RIT2: variants seen among roughly 807,000 people sequenced by gnomAD.
RIT2 encodes Ras like without CAAX 2, also known as GTP-binding protein Rit2.
In RIT2, 24 loss-of-function variants were observed where a neutral mutation model predicts 23.7. That is an observed-to-expected ratio of 1.01 (90% CI 0.73 to 1.43). The LOEUF is 1.43. Ranked by LOEUF, RIT2 falls within the 40% of genes most tolerant of loss-of-function variation. The pLI is 0.00. For synonymous variants in RIT2, 107 were observed against 91.1 expected, an observed-to-expected ratio of 1.17 and a Z score of -0.99; for missense variants, 236 against 266.9, an observed-to-expected ratio of 0.88 and a Z score of 0.81.
Position 43,093,349 on chromosome 18 carries a change from T to C in RIT2, c.103+22068A>G, listed in dbSNP as rs535101005. Among the ~76,000 whole-genome samples the C allele has an allele frequency of 2.0e-5, 3 of 152,194 alleles. No individual in the cohort carries two copies. In the South Asian group the frequency reaches 6.2e-4, roughly 32 times the overall value. On this transcript the variant is annotated intron_variant, in intron 1 of 4. Coordinates refer to ENST00000326695, the MANE Select transcript of RIT2 (RefSeq NM_002930.4). ...ACTATCAATGGCAAAGCCTAACAGC[T>C]AGTTTTCATTGAGGAGATGGAAATG...
At chr18:42,985,545 G>A (rs1359313421) in intron 2 of RIT2, among the ~76,000 whole-genome samples, 1 of 152,038 alleles carries the variant, frequency 6.6e-6, no homozygotes, top group African/African-American at 2.4e-5. Flanking sequence ...ACTGGCACAT[G>A]GGTAGAAAAA....
chr18:43,026,636 G>GAA (rs1213553404), intron 2 of RIT2, among the ~76,000 whole-genome samples: 3 of 143,662 alleles, frequency 2.1e-5, no homozygotes, highest in African/African-American at 7.8e-5. Flanking sequence ...AAGAAAGAAA[G>GAA]AGAGAAAGAA....
At chr18:43,115,306 T>A (rs1220859686) in intron 1 of RIT2, 111 bp downstream of exon 1, 1 of 1,381,700 alleles carries the variant, frequency 7.2e-7, no homozygotes, top group Non-Finnish European at 1.0e-6. Context: ...ACTCTGTGTT[T>A]AACTGCCACA....
chr18:43,099,141 A>C (rs1156265500), intron 1 of RIT2, among the ~76,000 whole-genome samples: 1 of 152,054 alleles, frequency 6.6e-6, no homozygotes, highest in African/African-American at 2.4e-5. Context: ...TGGTAATTGT[A>C]ATTTCCTTAT....
rs780426374 is a variant in RIT2 at position 43,115,487 on chromosome 18, C to G, written c.33G>C (p.Pro11=). 1.2e-6 allele frequency: 2 copies of G among 1,613,396 alleles called. No individual in the cohort carries two copies. The highest frequency in any genetic ancestry group is 4.5e-5 in the East Asian group (2 of 44,816). Residue 11 remains proline (P), a synonymous_variant, in exon 1 of 5, where the codon CCG becomes CCC. Transcript: ENST00000326695. ...CTCTGGACCCGCCTGATGCGCTGCC[C>G]GGGGAGCAGCTGGCTTCATTTTCTA... MEVENEASCS[P]GSASGGSREY...
intron 1 of RIT2, among the ~76,000 whole-genome samples, chr18:43,105,100 C>CTG (rs756311809): frequency 0.072 from 10,301 of 142,886 alleles, 355 homozygotes; most frequent in South Asian, 0.11. Context: ...AGGCAGTGTG[C>CTG]TGTGTGTGTG....
At chr18:43,100,655 T>C (rs1290462468) in intron 1 of RIT2, among the ~76,000 whole-genome samples, 2 of 151,970 alleles carry the variant, frequency 1.3e-5, no homozygotes, top group African/African-American at 2.4e-5. Context: ...TGGATATACA[T>C]AGAAGACAAA....
At chr18:42,884,858 T>G (rs1040698967) in intron 4 of RIT2, among the ~76,000 whole-genome samples, 2 of 152,214 alleles carry the variant, frequency 1.3e-5, no homozygotes, top group Admixed American at 1.3e-4. Context: ...CTACATCAAC[T>G]ATTTTCCTTC....
At chr18:43,086,092 T>C (rs1913276499) in intron 1 of RIT2, among the ~76,000 whole-genome samples, 1 of 152,140 alleles carries the variant, frequency 6.6e-6, no homozygotes, top group African/African-American at 2.4e-5. Context: ...GGACCAGAAA[T>C]GTTTTGGATT....
intron 1 of RIT2, among the ~76,000 whole-genome samples, chr18:43,035,289 C>A (rs1177679406): frequency 1.3e-5 from 2 of 152,148 alleles, no homozygotes; most frequent in Admixed American, 6.6e-5. Flanking sequence ...AATTTGACAG[C>A]TTTGGGCAAA....
intron 4 of RIT2, among the ~76,000 whole-genome samples, chr18:42,915,775 CTT>C (rs1908892363): frequency 6.6e-6 from 1 of 151,824 alleles, no homozygotes; most frequent in Admixed American, 6.6e-5. Context: ...ATCTGTAACA[CTT>C]TCAACATTGT....
intron 2 of RIT2, among the ~76,000 whole-genome samples, chr18:43,017,868 G>T (rs1057154320): frequency 5.9e-5 from 9 of 151,932 alleles, no homozygotes; most frequent in Non-Finnish European, 1.5e-5. Flanking sequence ...GAGCTGGTAG[G>T]GCTGGCCATT....
chr18:42,776,696 A>G (rs1342721921), intron 4 of RIT2, among the ~76,000 whole-genome samples: 1 of 151,002 alleles, frequency 6.6e-6, no homozygotes, highest in African/African-American at 2.5e-5. Context: ...CAACTTACCA[A>G]AAGTTTTGCA....
intron 4 of RIT2, among the ~76,000 whole-genome samples, chr18:42,796,892 A>C (rs902478977): frequency 6.6e-6 from 1 of 152,258 alleles, no homozygotes; most frequent in Non-Finnish European, 1.5e-5. Flanking sequence ...AAGTAAAGAC[A>C]GAAGAGCTCA....
chr18:42,869,964 T>C (rs960997335), intron 4 of RIT2, among the ~76,000 whole-genome samples: 1 of 152,190 alleles, frequency 6.6e-6, no homozygotes, highest in African/African-American at 2.4e-5. Context: ...CCATTGGCCC[T>C]CACGGGCACC....
intron 2 of RIT2, among the ~76,000 whole-genome samples, chr18:42,998,870 G>C (rs1293875445): frequency 6.6e-6 from 1 of 152,000 alleles, no homozygotes; most frequent in Non-Finnish European, 1.5e-5. Flanking sequence ...AAAAGAGGTA[G>C]GTTTATAGGA....
intron 4 of RIT2, among the ~76,000 whole-genome samples, chr18:42,872,204 G>C (rs1024503923): frequency 6.6e-6 from 1 of 152,098 alleles, no homozygotes; most frequent in African/African-American, 2.4e-5. Flanking sequence ...CTCTCAAACT[G>C]GCTAGGCCAT....
chr18:43,087,669 T>C (rs1913318056), intron 1 of RIT2, among the ~76,000 whole-genome samples: 2 of 152,210 alleles, frequency 1.3e-5, no homozygotes, highest in Non-Finnish European at 2.9e-5. Flanking sequence ...ATCATCTTTG[T>C]CTTCTTAGTT....
At chr18:43,093,340 C>T (rs1289022515) in intron 1 of RIT2, among the ~76,000 whole-genome samples, 1 of 152,028 alleles carries the variant, frequency 6.6e-6, no homozygotes, top group Non-Finnish European at 1.5e-5. Context: ...AATGGCAAAG[C>T]CTAACAGCTA....
Sources: gnomAD v4.1 joint callset for allele counts (sites outside exome capture counted in the v4.1 genomes callset) on GRCh38, gnomAD v4.1.1 for gene constraint, MANE v1.5 for transcripts, NCBI Gene and HGNC (gene_info 2026-07-23, HGNC 2026-07-21) for gene names.